Variants in TRAPPC3L observed in about 807,000 individuals in gnomAD.
TRAPPC3L encodes trafficking protein particle complex subunit 3-like protein.
TRAPPC3L carries 23 observed loss-of-function variants against 23.7 expected under a neutral mutation model. That is an observed-to-expected ratio of 0.97 (90% CI 0.70 to 1.37). The LOEUF is 1.37. TRAPPC3L is among the 40% of genes most tolerant of loss of function. TRAPPC3L has a pLI of 0.00. For missense variants in TRAPPC3L, 212 were observed against 216.8 expected, an observed-to-expected ratio of 0.98 and a Z score of 0.14; for synonymous variants, 81 against 77.9, an observed-to-expected ratio of 1.04 and a Z score of -0.21.
rs1773581489 is a variant in TRAPPC3L, at chr6:116,543,402, T to C, written c.43-2A>G. On this transcript the variant is annotated splice_acceptor_variant, in intron 1 of 4. Transcript: ENST00000368602. LOFTEE classifies it high-confidence loss of function. ...GGTAAGGACAAAGAGATCTTTATTC[T>C]GGAGAAAAAGGGGTAGTTTCTGGTT... is the stretch of plus-strand genomic sequence containing the variant. 6.5e-7 allele frequency: 1 copy of C among 1,547,250 alleles called. No individual in the cohort carries two copies. Among genetic ancestry groups the C allele is most frequent in the Non-Finnish European group, 8.7e-7 (1 of 1,144,504 alleles).
chr6:116,540,128 A>G (rs905667820), intron 3 of TRAPPC3L, among the ~76,000 whole-genome samples: 4 of 152,186 alleles, frequency 2.6e-5, no homozygotes, highest in African/African-American at 9.7e-5. Flanking sequence ...ACTGTGAGAC[A>G]TATACTCTAC....
intron 1 of TRAPPC3L, chr6:116,543,641 T>A (rs1773596347): frequency 1.5e-6 from 1 of 671,548 alleles, no homozygotes; most frequent in African/African-American, 1.8e-5. Flanking sequence ...CATGATAACA[T>A]CTTTCTATGC....
intron 3 of TRAPPC3L, chr6:116,520,675 G>A (rs367798122): frequency 6.6e-6 from 1 of 152,380 alleles, no homozygotes; most frequent in Admixed American, 6.6e-5. Flanking sequence ...CTTTCTAAGT[G>A]ATTATAATGT....
chr6:116,515,680 TAGCTACCTTC>T, intron 3 of TRAPPC3L: 1 of 1,614,004 alleles, frequency 6.2e-7, no homozygotes, highest in Non-Finnish European at 8.5e-7. Context: ...GATCTAAAGT[TAGCTACCTTC>T]AGCTGAGTTT....
chr6:116,536,464 T>C (rs1420891577), intron 3 of TRAPPC3L, among the ~76,000 whole-genome samples: 1 of 152,216 alleles, frequency 6.6e-6, no homozygotes, highest in Admixed American at 6.5e-5. Flanking sequence ...TACACAGTCC[T>C]TCTCTCGCAA....
chr6:116,511,877 G>A (rs1184527676), intron 3 of TRAPPC3L: 1 of 1,614,060 alleles, frequency 6.2e-7, no homozygotes. Flanking sequence ...TCCTGCCTGG[G>A]TGTTACTGAT....
At chr6:116,531,551 G>T (rs1019347197) in intron 3 of TRAPPC3L, among the ~76,000 whole-genome samples, 3 of 152,090 alleles carry the variant, frequency 2.0e-5, no homozygotes, top group Non-Finnish European at 2.9e-5. Context: ...GTTCTTTCAT[G>T]GGGTCTGATT....
intron 3 of TRAPPC3L, among the ~76,000 whole-genome samples, chr6:116,509,753 G>C (rs62425251): frequency 0.07 from 10,697 of 152,168 alleles, 438 homozygotes; most frequent in Admixed American, 0.14. Context: ...AACTCTTCTG[G>C]ACATTGGCCT....
At chr6:116,539,067 T>C (rs1212778901) in intron 3 of TRAPPC3L, among the ~76,000 whole-genome samples, 1 of 152,198 alleles carries the variant, frequency 6.6e-6, no homozygotes, top group Non-Finnish European at 1.5e-5. Flanking sequence ...ATAGAGAGAC[T>C]GTGTCTTACT....
chr6:116,530,931 ATATATATATATATG>A (rs1156238529), intron 3 of TRAPPC3L, among the ~76,000 whole-genome samples: 1 of 143,738 alleles, frequency 7.0e-6, no homozygotes, highest in Admixed American at 7.0e-5. Context: ...ATATATATAT[ATATATATATATATG>A]TTACTAATTT....
chr6:116,544,151 A>AAGAGAGAGAGAGAGAG (rs141606346), intron 1 of TRAPPC3L, among the ~76,000 whole-genome samples: 4,930 of 132,466 alleles, frequency 0.037, 169 homozygotes, highest in Admixed American at 0.077. Flanking sequence ...AAAGGTGAAG[A>AAGAGAGAGAGAGAGAG]AGAGAGAGAG....
chr6:116,498,765 T>A (rs1410142094), intron 4 of TRAPPC3L, among the ~76,000 whole-genome samples: 2 of 152,252 alleles, frequency 1.3e-5, no homozygotes, highest in African/African-American at 2.4e-5. Flanking sequence ...AATCAGTCTG[T>A]CCTCTTGAAA....
intron 3 of TRAPPC3L, among the ~76,000 whole-genome samples, chr6:116,529,387 C>G (rs1040310200): frequency 6.6e-6 from 1 of 152,058 alleles, no homozygotes; most frequent in Non-Finnish European, 1.5e-5. Context: ...ATCTTTGTAA[C>G]TAACAGAGTC....
At chr6:116,511,917 G>A (rs1257242375) in intron 3 of TRAPPC3L, 1 of 1,613,890 alleles carries the variant, frequency 6.2e-7, no homozygotes, top group African/African-American at 1.3e-5. Flanking sequence ...AATAGGTCGT[G>A]GAGACTCTTC....
rs951083658 is a variant in TRAPPC3L at position 116,495,042 on chromosome 6, A to G, written c.*1912T>C. 5 of 136,712 alleles carry G rather than the reference A, an allele frequency of 3.7e-5. No individual in the cohort carries two copies. The highest frequency in any genetic ancestry group is 2.3e-4 in the Admixed American group (3 of 12,844). 8.5% of individuals were successfully genotyped at this position (136,712 alleles called of 1,614,324 possible). A position where few individuals can be genotyped will look rare whatever the true frequency, so the allele number is the denominator to read the frequency against. ...GGTCTCAAACTCCTGAGCTCAAGCA[A>G]TCCTCCCACTTTGGCATCCCAAAGT... is the stretch of plus-strand genomic sequence containing the variant. On this transcript the variant is annotated 3_prime_UTR_variant, in exon 5 of 5. Transcript: ENST00000368602.
intron 3 of TRAPPC3L, chr6:116,517,761 T>A (rs1168360161): frequency 6.6e-6 from 1 of 152,180 alleles, no homozygotes; most frequent in East Asian, 1.9e-4. Context: ...GAATAGGGTC[T>A]GGTTGCCACG....
intron 2 of TRAPPC3L, among the ~76,000 whole-genome samples, chr6:116,542,625 A>G (rs1203556044): frequency 6.6e-6 from 1 of 152,116 alleles, no homozygotes; most frequent in Admixed American, 6.6e-5. Flanking sequence ...TCTGATGATC[A>G]CATAGTTACT....
chr6:116,506,608 C>A (rs995326409), intron 3 of TRAPPC3L, among the ~76,000 whole-genome samples: 8 of 152,146 alleles, frequency 5.3e-5, no homozygotes, highest in African/African-American at 1.7e-4. Flanking sequence ...AGACTTGGAA[C>A]CAACCCAAAC....
intron 3 of TRAPPC3L, chr6:116,512,288 T>A: frequency 6.6e-7 from 1 of 1,523,326 alleles, no homozygotes; most frequent in Non-Finnish European, 8.8e-7. Flanking sequence ...CGAAGTATTC[T>A]CTCTGTGCTC....
Sources: allele counts gnomAD v4.1 joint callset (sites outside exome capture counted in the v4.1 genomes callset), GRCh38; gene constraint gnomAD v4.1.1; transcripts MANE v1.5; gene names NCBI Gene and HGNC (gene_info 2026-07-23, HGNC 2026-07-21).